The following MARCHF3 variants were observed in gnomAD, a reference collection of about 807,000 sequenced individuals.
MARCHF3 encodes the protein E3 ubiquitin-protein ligase MARCHF3.
In MARCHF3, 13 loss-of-function variants were observed where a neutral mutation model predicts 24.2. That is an observed-to-expected ratio of 0.54 (90% CI 0.35 to 0.85). MARCHF3 has a LOEUF of 0.85. MARCHF3 is among the 40% of genes least tolerant of loss of function. The pLI is 0.01. For synonymous variants in MARCHF3, 144 were observed against 137.3 expected, an observed-to-expected ratio of 1.05 and a Z score of -0.34; for missense variants, 276 against 325.0, an observed-to-expected ratio of 0.85 and a Z score of 1.16.
intron 2 of MARCHF3, among the ~76,000 whole-genome samples, chr5:126,915,659 C>G (rs1754702336): frequency 6.6e-6 from 1 of 152,190 alleles, no homozygotes; most frequent in Non-Finnish European, 1.5e-5. Flanking sequence ...AGCCACAGCA[C>G]AAAGCTGAGT....
At chr5:126,884,475 C>T (rs951832421) in intron 3 of MARCHF3, among the ~76,000 whole-genome samples, 6 of 152,218 alleles carry the variant, frequency 3.9e-5, no homozygotes, top group Non-Finnish European at 8.8e-5. Flanking sequence ...GCACATTCAA[C>T]GACCCAGTCA....
Position 126,899,987 on chromosome 5 carries a change from A to G in MARCHF3, c.393+14943T>C, listed in dbSNP as rs116902224. ...TGTTGAACGTTCTATGGGTTTTGATATAATGACATGAATCCACCATTATAG... is the reference window on the plus strand; with the variant it reads ...TGTTGAACGTTCTATGGGTTTTGATGTAATGACATGAATCCACCATTATAG... On this transcript the variant is annotated intron_variant, in intron 3 of 4. Transcript: ENST00000308660. 3.3e-5 allele frequency among the ~76,000 whole-genome samples: 5 copies of G among 152,236 alleles called. No individual in the cohort carries two copies. In the East Asian group the frequency reaches 7.7e-4, roughly 24 times the overall value.
chr5:126,885,941 C>T (rs968188858), intron 3 of MARCHF3, among the ~76,000 whole-genome samples: 2 of 151,388 alleles, frequency 1.3e-5, no homozygotes, highest in Non-Finnish European at 2.9e-5. Context: ...TATGAGAAAC[C>T]TAGTAAATTA....
chr5:126,897,630 AAAGT>A (rs1235751497), intron 3 of MARCHF3, among the ~76,000 whole-genome samples: 2 of 152,106 alleles, frequency 1.3e-5, no homozygotes, highest in Non-Finnish European at 2.9e-5. Context: ...ATAAAAGAAG[AAAGT>A]AAAAGATGAA....
intron 3 of MARCHF3, among the ~76,000 whole-genome samples, chr5:126,898,221 A>G (rs1389263955): frequency 6.6e-6 from 1 of 152,122 alleles, no homozygotes; most frequent in Admixed American, 6.6e-5. Context: ...GAATTTTTAT[A>G]TCTTGATAAA....
At chr5:126,896,399 T>C (rs1487551181) in intron 3 of MARCHF3, among the ~76,000 whole-genome samples, 2 of 152,104 alleles carry the variant, frequency 1.3e-5, no homozygotes, top group African/African-American at 4.8e-5. Context: ...CATCAGGGAC[T>C]GGCATTTATA....
chr5:126,886,267 G>A (rs57485054), intron 3 of MARCHF3, among the ~76,000 whole-genome samples: 13,908 of 152,158 alleles, frequency 0.091, 1,408 homozygotes, highest in African/African-American at 0.25. Flanking sequence ...CCTCCAGCCT[G>A]ATGCTCTTTC....
chr5:126,989,025 T>C (rs1751655780), intron 1 of MARCHF3, among the ~76,000 whole-genome samples: 1 of 152,052 alleles, frequency 6.6e-6, no homozygotes, highest in South Asian at 2.1e-4. Flanking sequence ...GAAGAAAAAA[T>C]GTCTACAATA....
At chr5:126,925,401 T>G (rs1749257315) in intron 1 of MARCHF3, among the ~76,000 whole-genome samples, 1 of 152,234 alleles carries the variant, frequency 6.6e-6, no homozygotes, top group South Asian at 2.1e-4. Context: ...ACAGATCTTT[T>G]TTTTTTATTT....
At chr5:127,016,229 C>T (rs1413558608) in intron 1 of MARCHF3, among the ~76,000 whole-genome samples, 1 of 151,918 alleles carries the variant, frequency 6.6e-6, no homozygotes, top group Non-Finnish European at 1.5e-5. Flanking sequence ...GAACACATTC[C>T]CTGCAGACAA....
At chr5:126,944,590 G>A (rs1235428141) in intron 1 of MARCHF3, among the ~76,000 whole-genome samples, 1 of 152,046 alleles carries the variant, frequency 6.6e-6, no homozygotes, top group Non-Finnish European at 1.5e-5. Context: ...TCAAATAATA[G>A]TAATAATAAT....
intron 3 of MARCHF3, among the ~76,000 whole-genome samples, chr5:126,902,220 A>G (rs977112684): frequency 7.9e-5 from 12 of 152,264 alleles, no homozygotes; most frequent in African/African-American, 2.9e-4. Context: ...TGGCCCCAAC[A>G]GGCTATTCCT....
chr5:126,990,658 G>A (rs1366402657), intron 1 of MARCHF3, among the ~76,000 whole-genome samples: 7 of 151,998 alleles, frequency 4.6e-5, no homozygotes, highest in Non-Finnish European at 7.4e-5. Flanking sequence ...TCTGACAAAG[G>A]GCTAATATCC....
chr5:126,967,326 T>C (rs558233425), intron 1 of MARCHF3, among the ~76,000 whole-genome samples: 1 of 152,144 alleles, frequency 6.6e-6, no homozygotes, highest in Non-Finnish European at 1.5e-5. Flanking sequence ...AATATGTGCG[T>C]GTCTGAACAA....
At chr5:126,975,763 C>A (rs1339510954) in intron 1 of MARCHF3, among the ~76,000 whole-genome samples, 1 of 152,180 alleles carries the variant, frequency 6.6e-6, no homozygotes, top group Non-Finnish European at 1.5e-5. Context: ...GAAGCTAAAA[C>A]CCAGAACACT....
At chr5:126,948,602 G>T (rs916685921) in intron 1 of MARCHF3, among the ~76,000 whole-genome samples, 1 of 152,166 alleles carries the variant, frequency 6.6e-6, no homozygotes, top group Non-Finnish European at 1.5e-5. Context: ...CTGTGACATG[G>T]AGTTCTGTAT....
chr5:127,015,478 G>C (rs1752609958), intron 1 of MARCHF3, among the ~76,000 whole-genome samples: 1 of 152,134 alleles, frequency 6.6e-6, no homozygotes. Flanking sequence ...TCACAATTTA[G>C]TTGGCAAATG....
intron 1 of MARCHF3, among the ~76,000 whole-genome samples, chr5:126,995,958 G>C (rs906518139): frequency 3.3e-5 from 5 of 152,234 alleles, no homozygotes; most frequent in African/African-American, 9.6e-5. Flanking sequence ...ATCTGGGAAG[G>C]TGGAATTTAA....
At chr5:126,894,272 A>G (rs1201489846) in intron 3 of MARCHF3, among the ~76,000 whole-genome samples, 4 of 140,560 alleles carry the variant, frequency 2.8e-5, no homozygotes, top group Admixed American at 7.2e-5. Context: ...TTTTAATTGG[A>G]GCATTTAGTC....
Sources: gnomAD v4.1 joint callset for allele counts (sites outside exome capture counted in the v4.1 genomes callset) on GRCh38, gnomAD v4.1.1 for gene constraint, MANE v1.5 for transcripts, NCBI Gene and HGNC (gene_info 2026-07-23, HGNC 2026-07-21) for gene names.